DLG2: variants seen among roughly 807,000 people sequenced by gnomAD.
DLG2 encodes the protein discs large MAGUK scaffold protein 2, also known as disks large homolog 2.
A neutral mutation model predicts 132.5 loss-of-function variants in DLG2; 45 were observed. That is an observed-to-expected ratio of 0.34 (90% CI 0.27 to 0.44). The LOEUF (loss-of-function observed/expected upper bound fraction) is 0.44. Among genes scored for constraint, DLG2 ranks in the 20% least tolerant of loss-of-function variants. The pLI, the probability that DLG2 is intolerant of heterozygous loss-of-function variation, is 1.00. For synonymous variants in DLG2, 424 were observed against 419.6 expected (o/e 1.01, Z -0.13); for missense variants, 1,045 against 1,196.9 (o/e 0.87, Z 1.87).
chr11:84,125,967 T>C (rs1253409297), intron 9 of DLG2, among the ~76,000 whole-genome samples: 2 of 152,222 alleles, frequency 1.3e-5, no homozygotes, highest in African/African-American at 4.8e-5. Flanking sequence ...AATCAAGTTT[T>C]TTCCTCCCTT....
At position 84,933,354 on chromosome 11, in the gene DLG2, T is replaced by A. The variant is rs190552452; in HGVS notation, c.357+178307A>T. Reference sequence around the variant, plus strand: ...AGGATTTCCTTGGCTTTTTGGGCTCTTTTTTGGTTCCATATGAATTTTAAA... The same window carrying A: ...AGGATTTCCTTGGCTTTTTGGGCTCATTTTTGGTTCCATATGAATTTTAAA... On this transcript the variant is annotated intron_variant, in intron 6 of 27. Transcript: ENST00000376104. 9.1e-4 allele frequency among the ~76,000 whole-genome samples: 138 copies of A among 152,258 alleles called. 1 individual carries two copies. The highest frequency in any genetic ancestry group is 3.2e-3 in the African/African-American group (132 of 41,548).
intron 6 of DLG2, among the ~76,000 whole-genome samples, chr11:84,704,446 C>T (rs1432322558): frequency 1.3e-5 from 2 of 151,444 alleles, no homozygotes; most frequent in Admixed American, 1.3e-4. Flanking sequence ...TTACTCTGGG[C>T]CCCTAATTTC....
chr11:85,255,355 A>T (rs748496155), intron 4 of DLG2, among the ~76,000 whole-genome samples: 13 of 152,338 alleles, frequency 8.5e-5, no homozygotes, highest in Non-Finnish European at 1.6e-4. Flanking sequence ...ACACAAACAT[A>T]CGCATGGATA....
Position 84,908,432 on chromosome 11 carries a change from T to C in DLG2, c.357+203229A>G, listed in dbSNP as rs564788810. Reference sequence around the variant, plus strand: ...CCACATGTGTCCAGTCGTTACTCTATCAGACAGTACGACTCAAGTGTGTGT... The same window carrying C: ...CCACATGTGTCCAGTCGTTACTCTACCAGACAGTACGACTCAAGTGTGTGT... On this transcript the variant is annotated intron_variant, in intron 6 of 27. Transcript: ENST00000376104. 6.6e-5 allele frequency among the ~76,000 whole-genome samples: 10 copies of C among 152,298 alleles called. No individual in the cohort carries two copies. In the South Asian group the frequency reaches 1.9e-3, roughly 28 times the overall value.
intron 6 of DLG2, among the ~76,000 whole-genome samples, chr11:84,663,083 G>T (rs1050512036): frequency 2.0e-5 from 3 of 151,986 alleles, no homozygotes; most frequent in Non-Finnish European, 4.4e-5. Context: ...ATTTTCCTTA[G>T]TATGTCCTTC....
chr11:85,080,062 A>G (rs1431402292), intron 6 of DLG2, among the ~76,000 whole-genome samples: 4 of 152,238 alleles, frequency 2.6e-5, no homozygotes, highest in African/African-American at 9.6e-5. Flanking sequence ...TTAGGCATCT[A>G]TGTGTCTATC....
intron 9 of DLG2, among the ~76,000 whole-genome samples, chr11:84,133,438 T>G (rs2094491343): frequency 6.6e-6 from 1 of 152,036 alleles, no homozygotes; most frequent in Admixed American, 6.6e-5. Flanking sequence ...GGTTTGTACC[T>G]GCTAAATATT....
Position 84,679,193 on chromosome 11 carries a change from A to G in DLG2, c.358-144462T>C, listed in dbSNP as rs1468482875. Among the ~76,000 whole-genome samples the G allele has an allele frequency of 2.6e-5, 4 of 152,090 alleles. No homozygotes were observed. In the East Asian group the frequency reaches 7.7e-4, roughly 29 times the overall value. On this transcript the variant is annotated intron_variant, in intron 6 of 27. Transcript: ENST00000376104. ...AAAACAATGTGGCTGTACAAAAAAT[A>G]TTTTGTCTCAGGTGCTGATGCTGGA...
chr11:83,487,869 G>A (rs1430546639), intron 21 of DLG2, among the ~76,000 whole-genome samples: 2 of 151,964 alleles, frequency 1.3e-5, no homozygotes, highest in Non-Finnish European at 2.9e-5. Flanking sequence ...CCCATTAACT[G>A]GCAAATCTGT....
chr11:85,404,366 G>C (rs1249402053), intron 3 of DLG2, among the ~76,000 whole-genome samples: 2 of 151,874 alleles, frequency 1.3e-5, no homozygotes, highest in Non-Finnish European at 2.9e-5. Flanking sequence ...CATCAAAAGA[G>C]AATTAAAAGG....
At chr11:83,468,552 G>T (rs2091530841) in intron 25 of DLG2, among the ~76,000 whole-genome samples, 1 of 152,068 alleles carries the variant, frequency 6.6e-6, no homozygotes, top group Non-Finnish European at 1.5e-5. Context: ...CATTGAGAAA[G>T]GTCATGGCAA....
intron 11 of DLG2, among the ~76,000 whole-genome samples, chr11:84,018,081 ACG>A (rs2095270405): frequency 6.6e-6 from 1 of 151,832 alleles, no homozygotes; most frequent in African/African-American, 2.4e-5. Context: ...CTGTATGTTA[ACG>A]TTTTTGATTA....
At chr11:83,966,445 C>A (rs1345333140) in intron 12 of DLG2, among the ~76,000 whole-genome samples, 2 of 151,978 alleles carry the variant, frequency 1.3e-5, no homozygotes, top group Admixed American at 1.3e-4. Context: ...GCCTGTGATA[C>A]AAATGATACA....
chr11:84,536,894 T>C (rs574621771), intron 6 of DLG2, among the ~76,000 whole-genome samples: 16 of 152,310 alleles, frequency 1.1e-4, no homozygotes, highest in African/African-American at 3.6e-4. Flanking sequence ...AGCTGGGCTA[T>C]AGAAACAGCC....
intron 7 of DLG2, among the ~76,000 whole-genome samples, chr11:84,400,748 A>T (rs2098826465): frequency 6.6e-6 from 1 of 152,214 alleles, no homozygotes; most frequent in African/African-American, 2.4e-5. Flanking sequence ...CAGACTAGAC[A>T]GCAGATTTAG....
chr11:83,924,233 A>G (rs2078508665), intron 15 of DLG2, among the ~76,000 whole-genome samples: 1 of 152,112 alleles, frequency 6.6e-6, no homozygotes, highest in South Asian at 2.1e-4. Flanking sequence ...TGGAATTTGT[A>G]TTTGATTTTG....
At chr11:83,621,923 CTGAT>C (rs2061694142) in intron 19 of DLG2, among the ~76,000 whole-genome samples, 1 of 152,012 alleles carries the variant, frequency 6.6e-6, no homozygotes, top group Admixed American at 6.6e-5. Flanking sequence ...TTTTGATTGA[CTGAT>C]TGATTGAGAC....
Position 83,484,239 on chromosome 11 carries a change from G to A in DLG2, c.2194-11C>T. Reference sequence around the variant, plus strand: ...CTTGTCATTGAATGACTGTGAAGGAGAAAAGGCATGGGGCAAAAACAGGGG... The same window carrying A: ...CTTGTCATTGAATGACTGTGAAGGAAAAAAGGCATGGGGCAAAAACAGGGG... On this transcript the variant is annotated splice_polypyrimidine_tract_variant and intron_variant, in intron 21 of 27. Transcript: ENST00000376104. 1 of 1,603,364 alleles carries A rather than the reference G, an allele frequency of 6.2e-7. No homozygotes were observed. Among genetic ancestry groups the A allele is most frequent in the Non-Finnish European group, 8.5e-7 (1 of 1,171,674 alleles).
Position 84,202,924 on chromosome 11 carries a change from C to A in DLG2, c.574-39413G>T, listed in dbSNP as rs146809451. 2.0e-5 allele frequency among the ~76,000 whole-genome samples: 3 copies of A among 152,104 alleles called. No homozygotes were observed. The South Asian group carries it at 6.2e-4, about 31-fold the overall frequency. On this transcript the variant is annotated intron_variant, in intron 8 of 27. Coordinates refer to ENST00000376104, the MANE Select transcript of DLG2 (RefSeq NM_001142699.3). ...AAAACCACAATGAGATACCATCTCACGCCAGTCAGAATGGCTATTATTTAA... is the reference window on the plus strand; with the variant it reads ...AAAACCACAATGAGATACCATCTCAAGCCAGTCAGAATGGCTATTATTTAA...
Sources: gnomAD v4.1 joint callset for allele counts (sites outside exome capture counted in the v4.1 genomes callset) on GRCh38, gnomAD v4.1.1 for gene constraint, MANE v1.5 for transcripts, NCBI Gene and HGNC (gene_info 2026-07-23, HGNC 2026-07-21) for gene names.